PLEKHM3: variants seen among roughly 807,000 people sequenced by gnomAD.
PLEKHM3 encodes the protein pleckstrin homology domain-containing family M member 3.
In PLEKHM3, 45 loss-of-function variants were observed where a neutral mutation model predicts 81.8. The observed-to-expected ratio is 0.55, with a 90% CI of 0.43 to 0.71. The LOEUF (loss-of-function observed/expected upper bound fraction) is 0.71. Among genes scored for constraint, PLEKHM3 ranks in the 30% least tolerant of loss-of-function variants. The pLI is 0.00. For missense variants in PLEKHM3, 788 were observed against 924.3 expected, an observed-to-expected ratio of 0.85 and a Z score of 1.91; for synonymous variants, 352 against 356.4, an observed-to-expected ratio of 0.99 and a Z score of 0.14.
chr2:207,930,013 G>A, intron 5 of PLEKHM3: 1 of 655,524 alleles, frequency 1.5e-6, no homozygotes, highest in Non-Finnish European at 2.8e-6. Flanking sequence ...TCAAGTATAA[G>A]CTAGTTTGTA....
rs79335491 is a variant in PLEKHM3 at position 207,965,042 on chromosome 2, T to C, written c.1546+11609A>G. Among the ~76,000 whole-genome samples the C allele has an allele frequency of 5.4e-3, 829 of 152,330 alleles. 6 individuals are homozygous for C. Among genetic ancestry groups the C allele is most frequent in the African/African-American group, 0.019 (786 of 41,564 alleles). ...CAAGTTTTTCACTTAAGTATGTTTC[T>C]GTCTTCAGGGAGTATAATAGATTTT... On this transcript the variant is annotated intron_variant, in intron 3 of 7. Coordinates refer to ENST00000427836, the MANE Select transcript of PLEKHM3 (RefSeq NM_001080475.3).
chr2:207,902,876 C>T (rs1262356248), intron 6 of PLEKHM3, among the ~76,000 whole-genome samples: 1 of 137,390 alleles, frequency 7.3e-6, no homozygotes, highest in Non-Finnish European at 1.5e-5. Flanking sequence ...ATCCACTGAA[C>T]ATTTCTATGT....
chr2:207,860,827 A>G, intron 7 of PLEKHM3, among the ~76,000 whole-genome samples: 1 of 152,164 alleles, frequency 6.6e-6, no homozygotes, highest in East Asian at 1.9e-4. Context: ...TCTTCATTCT[A>G]AAATTGAACC....
At chr2:207,941,582 C>T (rs1689940627) in intron 4 of PLEKHM3, among the ~76,000 whole-genome samples, 1 of 152,094 alleles carries the variant, frequency 6.6e-6, no homozygotes, top group Admixed American at 6.6e-5. Context: ...TTGGGTAAGA[C>T]CTCAAAAGCA....
intron 7 of PLEKHM3, among the ~76,000 whole-genome samples, chr2:207,848,191 C>T (rs2092394804): frequency 6.6e-6 from 1 of 152,202 alleles, no homozygotes; most frequent in African/African-American, 2.4e-5. Flanking sequence ...GCTTCTCTCC[C>T]CTTCTCCTCT....
chr2:207,861,044 G>A lies in PLEKHM3; in HGVS notation c.2108+61C>T, dbSNP rs1415023487. 5.1e-6 allele frequency: 8 copies of A among 1,569,698 alleles called. No individual in the cohort carries two copies. The East Asian group carries it at 1.8e-4, about 36-fold the overall frequency. On this transcript the variant is annotated intron_variant, in intron 7 of 7. Transcript: ENST00000427836. ...CTTGACTAAAAGTTGGCCTGATTTG[G>A]CCAAAGAAAATGGCATATTACACAT...
intron 5 of PLEKHM3, among the ~76,000 whole-genome samples, chr2:207,921,340 C>T (rs1354494556): frequency 1.3e-5 from 2 of 152,150 alleles, no homozygotes; most frequent in African/African-American, 4.8e-5. Flanking sequence ...AGCCACTGCA[C>T]CTGGCCTCTC....
At chr2:207,945,939 A>G (rs1015081856) in intron 4 of PLEKHM3, among the ~76,000 whole-genome samples, 7 of 151,988 alleles carry the variant, frequency 4.6e-5, no homozygotes, top group African/African-American at 1.7e-4. Context: ...AACAAAAACA[A>G]AACAAAACAA....
chr2:207,860,936 A>G, intron 7 of PLEKHM3, among the ~76,000 whole-genome samples, 169 bp downstream of exon 7: 1 of 152,202 alleles, frequency 6.6e-6, no homozygotes, highest in South Asian at 2.1e-4. Flanking sequence ...AGGGGTGGAA[A>G]TAAATACAGG....
intron 6 of PLEKHM3, among the ~76,000 whole-genome samples, chr2:207,871,650 C>T (rs762030657): frequency 2.0e-5 from 3 of 152,136 alleles, no homozygotes; most frequent in Non-Finnish European, 4.4e-5. Context: ...CTACTTCAGA[C>T]AGCTTTTCTG....
chr2:207,880,361 C>A (rs1387051018), intron 6 of PLEKHM3, among the ~76,000 whole-genome samples: 42 of 149,758 alleles, frequency 2.8e-4, no homozygotes, highest in African/African-American at 1.0e-3. Context: ...GAGCTGAGAT[C>A]GTGCCACTGC....
intron 7 of PLEKHM3, among the ~76,000 whole-genome samples, chr2:207,833,598 G>C (rs1005296949): frequency 6.6e-6 from 1 of 152,044 alleles, no homozygotes; most frequent in African/African-American, 2.4e-5. Flanking sequence ...TTGATGTGAG[G>C]GGGTGTCCTG....
chr2:208,011,483 A>C (rs1692690977), intron 1 of PLEKHM3, among the ~76,000 whole-genome samples: 1 of 152,210 alleles, frequency 6.6e-6, no homozygotes, highest in African/African-American at 2.4e-5. Flanking sequence ...ATTGGAGACT[A>C]CTATTCTAAG....
intron 6 of PLEKHM3, among the ~76,000 whole-genome samples, chr2:207,880,573 C>T (rs540509518): frequency 2.7e-5 from 4 of 149,528 alleles, no homozygotes; most frequent in East Asian, 2.0e-4. Flanking sequence ...ACCATCTTGG[C>T]TAACACGGTG....
chr2:207,999,497 T>A (rs901140086), intron 2 of PLEKHM3, among the ~76,000 whole-genome samples: 2 of 152,050 alleles, frequency 1.3e-5, no homozygotes, highest in Non-Finnish European at 2.9e-5. Context: ...TCCCAGCTAC[T>A]TGAGAGGCTG....
intron 1 of PLEKHM3, among the ~76,000 whole-genome samples, chr2:208,004,570 G>C (rs1173360143): frequency 6.6e-6 from 1 of 152,164 alleles, no homozygotes; most frequent in Non-Finnish European, 1.5e-5. Flanking sequence ...AGAAGCCACT[G>C]AGGCCCAAAG....
chr2:207,909,775 G>A (rs1241559275), intron 5 of PLEKHM3, among the ~76,000 whole-genome samples: 2 of 152,170 alleles, frequency 1.3e-5, no homozygotes, highest in Non-Finnish European at 2.9e-5. Context: ...TTGGTGATTA[G>A]CACAGCCAAG....
At position 207,910,751 on chromosome 2, in the gene PLEKHM3, G is replaced by A. The variant is rs192081803; in HGVS notation, c.1887-2174C>T. Among the ~76,000 whole-genome samples the A allele has an allele frequency of 4.6e-5, 7 of 152,256 alleles. No individual in the cohort carries two copies. In the East Asian group the frequency reaches 9.7e-4, roughly 21 times the overall value. On this transcript the variant is annotated intron_variant, in intron 5 of 7. Transcript: ENST00000427836. ...CACTGATGCTTTTTGAAGCAGGAACGCCACACTGATGTGCCTCTGAAGGCA... is the reference window on the plus strand; with the variant it reads ...CACTGATGCTTTTTGAAGCAGGAACACCACACTGATGTGCCTCTGAAGGCA...
At chr2:207,850,095 T>C (rs2092404655) in intron 7 of PLEKHM3, among the ~76,000 whole-genome samples, 1 of 152,162 alleles carries the variant, frequency 6.6e-6, no homozygotes, top group South Asian at 2.1e-4. Flanking sequence ...CAACTCGCTT[T>C]CTAGCAACCC....
Sources: allele counts gnomAD v4.1 joint callset (sites outside exome capture counted in the v4.1 genomes callset), GRCh38; gene constraint gnomAD v4.1.1; transcripts MANE v1.5; gene names NCBI Gene and HGNC (gene_info 2026-07-23, HGNC 2026-07-21).